MARK4: variants seen among roughly 807,000 people sequenced by gnomAD.
MARK4 encodes the protein microtubule affinity regulating kinase 4, also known as MAP/microtubule affinity-regulating kinase 4.
Under a neutral mutation model 81.5 loss-of-function variants are expected in MARK4, and 19 were observed. That is an observed-to-expected ratio of 0.23 (90% CI 0.16 to 0.34). The LOEUF is 0.34. Ranked by LOEUF, MARK4 falls within the 10% of genes least tolerant of loss-of-function variation. MARK4 has a pLI of 1.00. For missense variants in MARK4, 772 were observed against 1,058.8 expected (o/e 0.73, Z 3.76); for synonymous variants, 436 against 439.0 (o/e 0.99, Z 0.08).
chr19:45,281,380 A>G, intron 12 of MARK4, among the ~76,000 whole-genome samples: 1 of 57,424 alleles, frequency 1.7e-5, no homozygotes, highest in South Asian at 3.6e-4. Flanking sequence ...TTTTTTTTTG[A>G]GACAGAGTCT....
At position 45,304,328 on chromosome 19, in the gene MARK4, T is replaced by C. The variant is rs1196635521; in HGVS notation, c.*1618T>C. 6.6e-6 allele frequency: 1 copy of C among 152,208 alleles called. No individual in the cohort carries two copies. The highest frequency in any genetic ancestry group is 2.4e-5 in the African/African-American group (1 of 41,434). The allele number at this position is 152,208 out of a possible 1,614,324, so 9.4% of individuals were successfully genotyped here. A position where few individuals can be genotyped will look rare whatever the true frequency, so the allele number is the denominator to read the frequency against. On this transcript the variant is annotated 3_prime_UTR_variant, in exon 17 of 17. Transcript: ENST00000262891. ...GGCCCAAATGGGCCATGTGATTTTC[T>C]CTAAACCAATCACTGTGACTCTAGA...
chr19:45,254,267 G>A (rs539177301), intron 1 of MARK4, among the ~76,000 whole-genome samples: 1 of 152,198 alleles, frequency 6.6e-6, no homozygotes, highest in Non-Finnish European at 1.5e-5. Flanking sequence ...TCCCACCCCC[G>A]GCCCCCAGGG....
chr19:45,272,201 G>A (rs1389192563), intron 8 of MARK4, among the ~76,000 whole-genome samples: 1 of 152,058 alleles, frequency 6.6e-6, no homozygotes, highest in Non-Finnish European at 1.5e-5. Context: ...GCATAATGGC[G>A]CACGCCTGTA....
At chr19:45,276,122 G>A (rs1970594632) in intron 8 of MARK4, among the ~76,000 whole-genome samples, 1 of 152,144 alleles carries the variant, frequency 6.6e-6, no homozygotes. Context: ...AACCTCCCGG[G>A]CTCAAGCAAT....
intron 1 of MARK4, among the ~76,000 whole-genome samples, chr19:45,257,405 A>G (rs1467204375): frequency 5.9e-5 from 7 of 119,238 alleles, no homozygotes; most frequent in Non-Finnish European, 1.0e-4. Flanking sequence ...TTTTTTTGAG[A>G]TGGAGTCCCA....
chr19:45,261,726 G>C (rs1376886912), intron 2 of MARK4, among the ~76,000 whole-genome samples: 1 of 152,172 alleles, frequency 6.6e-6, no homozygotes, highest in Non-Finnish European at 1.5e-5. Context: ...CTGATGTTGG[G>C]CGTTCAAGAC....
chr19:45,271,816 T>C lies in MARK4; in HGVS notation c.786+108T>C. The C allele has an allele frequency of 1.9e-6, 2 of 1,068,528 alleles. No homozygotes were observed. Among genetic ancestry groups the C allele is most frequent in the Non-Finnish European group, 2.7e-6 (2 of 733,916 alleles). The allele number at this position is 1,068,528 out of a possible 1,614,324, so 66.2% of individuals were successfully genotyped here. ...GCCTCAGTGGTGGGACTGGCCTGAG[T>C]TCTCATGGGAAGATGGGGGATGGGC... On this transcript the variant is annotated intron_variant, in intron 8 of 16. Transcript: ENST00000262891. The surrounding 1 kb of genome is among the most constrained non-coding windows in gnomAD (Gnocchi z 4.1).
intron 1 of MARK4, among the ~76,000 whole-genome samples, chr19:45,257,837 A>G (rs1453263605): frequency 1.3e-5 from 2 of 149,450 alleles, no homozygotes; most frequent in Admixed American, 6.7e-5. Context: ...CTACAGGCGC[A>G]TACTGCCACG....
At chr19:45,260,195 G>C (rs1395594853) in intron 2 of MARK4, among the ~76,000 whole-genome samples, 1 of 152,058 alleles carries the variant, frequency 6.6e-6, no homozygotes, top group Non-Finnish European at 1.5e-5. Flanking sequence ...TTCAAGACCA[G>C]CCTGGCCAAC....
At chr19:45,301,548 ACT>A (rs1485045048) in intron 16 of MARK4, among the ~76,000 whole-genome samples, 11 of 92,856 alleles carry the variant, frequency 1.2e-4, no homozygotes, top group African/African-American at 3.0e-4. Flanking sequence ...CAAGAGCGAA[ACT>A]CTGTCTCAAA....
At chr19:45,300,067 G>A (rs1004517971) in intron 16 of MARK4, among the ~76,000 whole-genome samples, 2 of 152,130 alleles carry the variant, frequency 1.3e-5, no homozygotes, top group Non-Finnish European at 2.9e-5. Flanking sequence ...TTCAGCCTCC[G>A]GCTGGGTGCC....
chr19:45,302,271 G>A lies in MARK4; in HGVS notation c.1923-103G>A. ...AACAGGGGAAGATGTTTTTTGAGGG[G>A]ATGGCTAGGAATGTGTCCCGAATTG... On this transcript the variant is annotated intron_variant, in intron 16 of 16. Transcript: ENST00000262891. The surrounding 1 kb of genome is among the most constrained non-coding windows in gnomAD (Gnocchi z 4.9). 1.9e-6 allele frequency: 3 copies of A among 1,567,468 alleles called. No individual in the cohort carries two copies. Among genetic ancestry groups the A allele is most frequent in the Non-Finnish European group, 2.6e-6 (3 of 1,155,876 alleles).
intron 13 of MARK4, among the ~76,000 whole-genome samples, chr19:45,291,461 C>T (rs1970818937): frequency 6.6e-6 from 1 of 152,182 alleles, no homozygotes; most frequent in Non-Finnish European, 1.5e-5. Flanking sequence ...ACCTGGCCAA[C>T]ATGGCAAAAT....
chr19:45,286,098 C>A (rs1167095299), intron 12 of MARK4, among the ~76,000 whole-genome samples: 1 of 152,030 alleles, frequency 6.6e-6, no homozygotes, highest in African/African-American at 2.4e-5. Flanking sequence ...GCACTGTTGC[C>A]AGACTGGAGT....
chr19:45,277,688 T>C (rs776349911), intron 8 of MARK4, among the ~76,000 whole-genome samples: 8 of 151,978 alleles, frequency 5.3e-5, no homozygotes, highest in Admixed American at 2.0e-4. Flanking sequence ...TTTTTTAAAT[T>C]GCAGCGTCCA....
chr19:45,251,771 C>T (rs1970245006), intron 1 of MARK4, 132 bp downstream of exon 1: 1 of 782,140 alleles, frequency 1.3e-6, no homozygotes, highest in East Asian at 3.4e-5. Flanking sequence ...ACCTCTCGAC[C>T]CCTCCCGGAC....
rs1444907106 is a variant in MARK4, at chr19:45,271,842, A to G, written c.786+134A>G. On this transcript the variant is annotated intron_variant, in intron 8 of 16. Transcript: ENST00000262891. The surrounding 1 kb of genome is among the most constrained non-coding windows in gnomAD (Gnocchi z 4.1). ...TCTCATGGGAAGATGGGGGATGGGC[A>G]GGATTCAAGTCCCCTCTGCAGTGAG... 2.3e-6 allele frequency: 2 copies of G among 853,572 alleles called. No homozygotes were observed. The highest frequency in any genetic ancestry group is 3.7e-6 in the Non-Finnish European group (2 of 547,714). The allele number at this position is 853,572 out of a possible 1,614,324, so 52.9% of individuals were successfully genotyped here. A position where few individuals can be genotyped will look rare whatever the true frequency, so the allele number is the denominator to read the frequency against.
intron 15 of MARK4, among the ~76,000 whole-genome samples, chr19:45,299,048 A>G (rs1192752083): frequency 7.1e-6 from 1 of 140,224 alleles, no homozygotes; most frequent in Non-Finnish European, 1.5e-5. Context: ...TTGGCAACAG[A>G]GGGAGAACCT....
At chr19:45,259,986 C>T (rs1023826811) in intron 2 of MARK4, among the ~76,000 whole-genome samples, 3 of 151,924 alleles carry the variant, frequency 2.0e-5, no homozygotes, top group African/African-American at 7.3e-5. Context: ...GCTCAGTAGG[C>T]TGAGCCAGGA....
Sources: gnomAD v4.1 joint callset for allele counts (sites outside exome capture counted in the v4.1 genomes callset) on GRCh38, gnomAD v4.1.1 for gene constraint, Gnocchi (gnomAD v3.1) non-coding constraint, MANE v1.5 for transcripts, NCBI Gene and HGNC (gene_info 2026-07-23, HGNC 2026-07-21) for gene names.